The following CFAP54 variants were observed in gnomAD, a reference collection of about 807,000 sequenced individuals.
The protein encoded by CFAP54 is cilia- and flagella-associated protein 54.
Under a neutral mutation model 370.4 loss-of-function variants are expected in CFAP54, and 290 were observed. The observed-to-expected ratio is 0.78, with a 90% CI of 0.71 to 0.86. The LOEUF (loss-of-function observed/expected upper bound fraction) is 0.86. CFAP54 is among the 40% of genes least tolerant of loss of function. The pLI is 0.00. For synonymous variants in CFAP54, 1,206 were observed against 1,236.5 expected (o/e 0.98, Z 0.52); for missense variants, 3,399 against 3,528.7 (o/e 0.96, Z 0.93).
intron 63 of CFAP54, among the ~76,000 whole-genome samples, chr12:96,805,649 A>G (rs1439302920): frequency 6.6e-6 from 1 of 152,080 alleles, no homozygotes; most frequent in Non-Finnish European, 1.5e-5. Context: ...TGGGAATGTA[A>G]ATTAGTACAA....
chr12:96,857,308 TA>T (rs1438173591), intron 66 of CFAP54, among the ~76,000 whole-genome samples: 1 of 152,208 alleles, frequency 6.6e-6, no homozygotes, highest in African/African-American at 2.4e-5. Context: ...TACCCTCAAG[TA>T]GACCCTGGTG....
intron 48 of CFAP54, 25 bp downstream of exon 48, chr12:96,708,828 TTC>T (rs778529594): frequency 1.3e-6 from 2 of 1,559,034 alleles, no homozygotes; most frequent in South Asian, 1.2e-5. Context: ...TTTTGCTTAT[TTC>T]TCTTTCTCCT....
chr12:96,865,985 A>T (rs1212474076), intron 67 of CFAP54, among the ~76,000 whole-genome samples: 1 of 151,090 alleles, frequency 6.6e-6, no homozygotes, highest in Admixed American at 6.6e-5. Flanking sequence ...TTCCCTGTTC[A>T]ATTCCTATCC....
chr12:96,565,349 T>A (rs1428165954), intron 19 of CFAP54, among the ~76,000 whole-genome samples: 3 of 152,104 alleles, frequency 2.0e-5, no homozygotes, highest in African/African-American at 2.4e-5. Context: ...TCCTACCACC[T>A]CAGCCTTCCA....
chr12:96,597,815 A>G (rs1219779958), intron 25 of CFAP54, among the ~76,000 whole-genome samples: 4 of 151,906 alleles, frequency 2.6e-5, no homozygotes, highest in Non-Finnish European at 5.9e-5. Context: ...ATGTTTTTAT[A>G]CACATGTATG....
At chr12:96,549,072 T>C (rs1175500334) in intron 15 of CFAP54, among the ~76,000 whole-genome samples, 1 of 152,216 alleles carries the variant, frequency 6.6e-6, no homozygotes, top group East Asian at 1.9e-4. Flanking sequence ...GCCAGGATGG[T>C]CTCGATCTCC....
intron 66 of CFAP54, among the ~76,000 whole-genome samples, chr12:96,851,407 C>T (rs911305255): frequency 6.6e-6 from 1 of 152,028 alleles, no homozygotes; most frequent in Non-Finnish European, 1.5e-5. Flanking sequence ...AATAATAAAG[C>T]TCATTATCTC....
intron 37 of CFAP54, 33 bp from the exon 38 acceptor site, chr12:96,658,178 T>C (rs756878699): frequency 1.3e-6 from 2 of 1,590,130 alleles, no homozygotes; most frequent in Admixed American, 3.7e-5. Flanking sequence ...TAACTAATGT[T>C]TTCTTTTTAA....
intron 22 of CFAP54, among the ~76,000 whole-genome samples, chr12:96,583,439 T>G (rs2136427540): frequency 6.6e-6 from 1 of 152,262 alleles, no homozygotes; most frequent in Admixed American, 6.5e-5. Context: ...ATGCCATATT[T>G]GAGTGAATTG....
At chr12:96,736,066 C>T (rs752664390) in intron 50 of CFAP54, among the ~76,000 whole-genome samples, 3 of 151,976 alleles carry the variant, frequency 2.0e-5, no homozygotes, top group Non-Finnish European at 4.4e-5. Context: ...TTTTTGGTTG[C>T]AAGTGACAGA....
intron 39 of CFAP54, among the ~76,000 whole-genome samples, chr12:96,664,761 A>C (rs1433954834): frequency 0.47 from 30,403 of 64,464 alleles, 5,642 homozygotes; most frequent in Middle Eastern, 0.53. Flanking sequence ...ATATCTATAT[A>C]TATCTATATC....
intron 42 of CFAP54, among the ~76,000 whole-genome samples, chr12:96,686,762 G>T (rs1235920760): frequency 6.6e-6 from 1 of 152,020 alleles, no homozygotes; most frequent in Non-Finnish European, 1.5e-5. Flanking sequence ...CATGAGATTT[G>T]GTGGGGACGT....
rs1958708860 is a variant in CFAP54 at position 96,792,342 on chromosome 12, G to T, written c.8693G>T (p.Ser2898Ile). Residue 2898 changes from serine to isoleucine, a missense_variant, in exon 63 of 68, where the codon AGT (serine) becomes ATT (isoleucine). This residue lies in a region of CFAP54 where 2,796 missense variants were observed against 2,869.7 expected (regional missense o/e 0.97). Transcript: ENST00000524981. Reference protein sequence around the residue: ...RESSAKLYRDSSVQSILSFKP... With the variant: ...RESSAKLYRDISVQSILSFKP... ...TTTGTTCCCTAGTTGTATCGCGATA[G>T]TTCTGTACAATCCATTTTATCTTTT... is the stretch of plus-strand genomic sequence containing the variant. The T allele has an allele frequency of 8.5e-6, 13 of 1,533,098 alleles. No individual in the cohort carries two copies. The South Asian group carries it at 1.6e-4, about 18-fold the overall frequency. 95.0% of individuals were successfully genotyped at this position (1,533,098 alleles called of 1,614,324 possible).
At chr12:96,838,572 G>A (rs192191878) in intron 66 of CFAP54, among the ~76,000 whole-genome samples, 45 of 152,106 alleles carry the variant, frequency 3.0e-4, no homozygotes, top group Admixed American at 1.4e-3. Context: ...GAGGGGGGAA[G>A]AGCTGCTTAT....
At chr12:96,523,711 A>AT (rs11309428) in intron 8 of CFAP54, among the ~76,000 whole-genome samples, 4 of 151,892 alleles carry the variant, frequency 2.6e-5, no homozygotes, top group African/African-American at 9.7e-5. Context: ...TCTCCCCGGC[A>AT]TTTTTTTTCT....
In CFAP54 at chr12:96,849,436, A is replaced by C. The variant is rs763500542; in HGVS notation, c.9172-11383A>C. On this transcript the variant is annotated intron_variant, in intron 66 of 67. Transcript: ENST00000524981. ...TTCTTTTGGTCATGGAACGCTTAGA[A>C]TTGATGAAAACGTAACTGACAGTGT... 5.3e-4 allele frequency among the ~76,000 whole-genome samples: 81 copies of C among 152,320 alleles called. 1 individual carries two copies. The highest frequency in any genetic ancestry group is 3.3e-4 in the Admixed American group (5 of 15,302).
chr12:96,814,469 C>T (rs17025947), intron 64 of CFAP54, among the ~76,000 whole-genome samples: 4,040 of 152,216 alleles, frequency 0.027, 189 homozygotes, highest in African/African-American at 0.091. Context: ...CTCATCAAGT[C>T]TTTCACCTCC....
At chr12:96,716,000 T>C (rs1484867097) in intron 48 of CFAP54, among the ~76,000 whole-genome samples, 1 of 152,136 alleles carries the variant, frequency 6.6e-6, no homozygotes, top group African/African-American at 2.4e-5. Context: ...CAGTTTCCCT[T>C]TTTCTCTCGT....
chr12:96,791,462 A>G (rs1186879163), intron 62 of CFAP54, among the ~76,000 whole-genome samples: 1 of 152,110 alleles, frequency 6.6e-6, no homozygotes, highest in African/African-American at 2.4e-5. Context: ...TTCAGTGACC[A>G]AAGTTGCATA....
Sources: gnomAD v4.1 joint callset for allele counts (sites outside exome capture counted in the v4.1 genomes callset) on GRCh38, gnomAD v4.1.1 for gene constraint, gnomAD v4.1.1 regional missense constraint, MANE v1.5 for transcripts, NCBI Gene and HGNC (gene_info 2026-07-23, HGNC 2026-07-21) for gene names.